HMCN2: variants seen among roughly 807,000 people sequenced by gnomAD.
HMCN2 encodes hemicentin-2.
Under a neutral mutation model 377.5 loss-of-function variants are expected in HMCN2, and 325 were observed. That is an observed-to-expected ratio of 0.86 (90% CI 0.79 to 0.94). The LOEUF is 0.94. Ranked by LOEUF, HMCN2 falls within the 40% of genes least tolerant of loss-of-function variation. HMCN2 has a pLI of 0.00. For synonymous variants in HMCN2, 2,007 were observed against 2,046.8 expected, an observed-to-expected ratio of 0.98 and a Z score of 0.53; for missense variants, 4,543 against 4,725.3, an observed-to-expected ratio of 0.96 and a Z score of 1.13.
rs1227140042 is a variant in HMCN2 at position 130,403,654 on chromosome 9, C to T, written c.12014-87C>T. 8 of 1,202,166 alleles carry T rather than the reference C, an allele frequency of 6.7e-6. No individual in the cohort carries two copies. The Admixed American group carries it at 2.2e-4, about 33-fold the overall frequency. 74.5% of individuals were successfully genotyped at this position (1,202,166 alleles called of 1,614,324 possible). A position where few individuals can be genotyped will look rare whatever the true frequency, so the allele number is the denominator to read the frequency against. ...TGTGACCCCAGCAAGTCATTTGCTGCCTGTGAGACAGAATAGCCCAATCTG... is the reference window on the plus strand; with the variant it reads ...TGTGACCCCAGCAAGTCATTTGCTGTCTGTGAGACAGAATAGCCCAATCTG... On this transcript the variant is annotated intron_variant, in intron 79 of 97. Transcript: ENST00000683500.
rs1316689613 is a variant in HMCN2 at position 130,422,830 on chromosome 9, A to T, written c.13381+104A>T. The T allele has an allele frequency of 2.0e-6, 2 of 986,384 alleles. No homozygotes were observed. Among genetic ancestry groups the T allele is most frequent in the Non-Finnish European group, 2.6e-6 (2 of 760,408 alleles). The allele number at this position is 986,384 out of a possible 1,614,324, so 61.1% of individuals were successfully genotyped here. On this transcript the variant is annotated intron_variant, in intron 87 of 97. Coordinates refer to ENST00000683500, the MANE Select transcript of HMCN2 (RefSeq NM_001291815.2). The surrounding 1 kb of genome is among the most constrained non-coding windows in gnomAD (Gnocchi z 4.2). ...TAGGAGGCGCAGAGCCTGTGCCCCG[A>T]GACTTGCTCAAGGCCTGATGACCAG...
In HMCN2 at chr9:130,394,605, T is replaced by TG. The variant is rs1328231319; in HGVS notation, c.10692+35dup. The TG allele has an allele frequency of 1.6e-6, 2 of 1,253,486 alleles. No individual in the cohort carries two copies. Among genetic ancestry groups the TG allele is most frequent in the South Asian group, 1.3e-5 (1 of 75,548 alleles). The allele number at this position is 1,253,486 out of a possible 1,614,324, so 77.6% of individuals were successfully genotyped here. On this transcript the variant is annotated intron_variant, in intron 69 of 97. Coordinates refer to ENST00000683500, the MANE Select transcript of HMCN2 (RefSeq NM_001291815.2). The surrounding 1 kb of genome is among the most constrained non-coding windows in gnomAD (Gnocchi z 5.1). ...CAGTGCCGCCGCCATGGGGCGAGGC[T>TG]GGGGGTTGGGGGAGAGGGGAGGGAC...
At chr9:130,406,276 C>A in intron 82 of HMCN2, 108 bp downstream of exon 82, 1 of 982,270 alleles carries the variant, frequency 1.0e-6, no homozygotes, top group Non-Finnish European at 1.4e-6. Flanking sequence ...AGGTTGTCAG[C>A]CAGCCCTGTT....
chr9:130,270,054 A>G (rs528694554), intron 1 of HMCN2, among the ~76,000 whole-genome samples: 2 of 145,460 alleles, frequency 1.4e-5, no homozygotes, highest in Non-Finnish European at 3.1e-5. Context: ...CAAGTGATCC[A>G]CTCACCTCAG....
chr9:130,333,836 C>T (rs1838565725), intron 22 of HMCN2, among the ~76,000 whole-genome samples: 1 of 152,198 alleles, frequency 6.6e-6, no homozygotes, highest in African/African-American at 2.4e-5. Flanking sequence ...CCTGAGTCTC[C>T]GCAGAGCATG....
At chr9:130,408,374 A>G (rs575577654) in intron 83 of HMCN2, among the ~76,000 whole-genome samples, 140 of 152,260 alleles carry the variant, frequency 9.2e-4, no homozygotes, top group Non-Finnish European at 1.6e-3. Flanking sequence ...TTGATTTCCA[A>G]AGTACCTGGC....
chr9:130,358,330 G>A (rs994204273), intron 35 of HMCN2, 60 bp from the exon 36 acceptor site: 11 of 1,301,126 alleles, frequency 8.5e-6, no homozygotes, highest in Middle Eastern at 2.1e-4. Context: ...CTGGCCACTC[G>A]CCATGTCCCG....
At chr9:130,416,064 G>C (rs1050591969) in intron 85 of HMCN2, among the ~76,000 whole-genome samples, 13 of 151,428 alleles carry the variant, frequency 8.6e-5, no homozygotes, top group Middle Eastern at 3.2e-3. Flanking sequence ...AGGGCCAAAG[G>C]CTTCCACTGT....
Position 130,422,810 on chromosome 9 carries a change from G to A in HMCN2, c.13381+84G>A. On this transcript the variant is annotated intron_variant, in intron 87 of 97. Transcript: ENST00000683500. This position sits in a 1 kb window ranked among gnomAD's most constrained non-coding sequence, Gnocchi z 4.2. Reference sequence around the variant, plus strand: ...CCTCCAGAACATGCTGGACCTAGGAGGCGCAGAGCCTGTGCCCCGAGACTT... The same window carrying A: ...CCTCCAGAACATGCTGGACCTAGGAAGCGCAGAGCCTGTGCCCCGAGACTT... 1 of 1,139,558 alleles carries A rather than the reference G, an allele frequency of 8.8e-7. No individual in the cohort carries two copies. Among genetic ancestry groups the A allele is most frequent in the Non-Finnish European group, 1.1e-6 (1 of 898,068 alleles). The allele number at this position is 1,139,558 out of a possible 1,614,324, so 70.6% of individuals were successfully genotyped here.
In HMCN2 at chr9:130,384,428, C is replaced by T; in HGVS notation, c.8886C>T (p.Ser2962=). The T allele has an allele frequency of 7.7e-7, 1 of 1,303,948 alleles. No individual in the cohort carries two copies. The highest frequency in any genetic ancestry group is 1.2e-5 in the South Asian group (1 of 81,008). 80.8% of individuals were successfully genotyped at this position (1,303,948 alleles called of 1,614,324 possible). ...DLEQVTAILN[S]SVSLPCDVHA... is the part of the protein sequence containing the mutation. ...AGCAGGTCACTGCCATCCTCAACAG[C>T]AGCGTCTCCCTCCCTTGCGACGTCC... The change falls in exon 58 of 98, where the codon AGC becomes AGT. Residue 2962 remains serine, a synonymous_variant. Transcript: ENST00000683500.
At chr9:130,433,186 C>G (rs948840019) in intron 97 of HMCN2, 162 bp from the exon 98 acceptor site, 45 of 539,748 alleles carry the variant, frequency 8.3e-5, no homozygotes, top group Non-Finnish European at 1.2e-4. Context: ...AACGGGCTAG[C>G]GTGGGAGCCT....
intron 4 of HMCN2, among the ~76,000 whole-genome samples, chr9:130,294,184 A>G (rs1203532442): frequency 6.6e-6 from 1 of 152,088 alleles, no homozygotes; most frequent in Non-Finnish European, 1.5e-5. Context: ...CCGAAGTCAT[A>G]CCCTAAATGT....
rs774453294 is a variant in HMCN2 at position 130,427,390 on chromosome 9, C to A, written c.13942+15C>A. On this transcript the variant is annotated intron_variant, in intron 91 of 97. Transcript: ENST00000683500. ...GTTTTGTGTGGGTGAGCGCCCCCAA[C>A]CCTGGCATGGATGTGGGAGGCCTCT... The A allele has an allele frequency of 2.6e-6, 4 of 1,550,402 alleles. No homozygotes were observed. The highest frequency in any genetic ancestry group is 3.9e-5 in the Admixed American group (2 of 50,922).
rs1841800675 is a variant in HMCN2, at chr9:130,382,767, C to T, written c.8634C>T (p.Ala2878=). The T allele has an allele frequency of 3.0e-6, 3 of 985,928 alleles. No individual in the cohort carries two copies. Among genetic ancestry groups the T allele is most frequent in the Non-Finnish European group, 3.6e-6 (3 of 829,970 alleles). The allele number at this position is 985,928 out of a possible 1,614,324, so 61.1% of individuals were successfully genotyped here. ...ASSTVSLQCP[A]LGNPVPTISW... ...GCACCGTCAGCCTGCAGTGCCCGGCCCTGGGAAACCCCGTGCCCACCATCT... is the reference window on the plus strand; with the variant it reads ...GCACCGTCAGCCTGCAGTGCCCGGCTCTGGGAAACCCCGTGCCCACCATCT... The change falls in exon 56 of 98, where the codon GCC becomes GCT. Residue 2878 remains alanine, a synonymous_variant. Transcript: ENST00000683500.
In HMCN2 at chr9:130,351,443, C is replaced by T; in HGVS notation, c.4451C>T (p.Pro1484Leu). 7.7e-7 allele frequency: 1 copy of T among 1,304,248 alleles called. No individual in the cohort carries two copies. Among genetic ancestry groups the T allele is most frequent in the Non-Finnish European group, 1.0e-6 (1 of 988,904 alleles). The allele number at this position is 1,304,248 out of a possible 1,614,324, so 80.8% of individuals were successfully genotyped here. A position where few individuals can be genotyped will look rare whatever the true frequency, so the allele number is the denominator to read the frequency against. The part of the protein sequence containing the change: ...KDRQPVLPGG[P>L]HLQVQEDGQV... ...TCCAGGCCTGTCCTTCCGGGAGGCCCTCACCTGCAGGTCCAGGAGGATGGC... is the reference window on the plus strand; with the variant it reads ...TCCAGGCCTGTCCTTCCGGGAGGCCTTCACCTGCAGGTCCAGGAGGATGGC... Residue 1484 changes from proline to leucine, a missense_variant, in exon 30 of 98, where the codon CCT becomes CTT. Coordinates refer to ENST00000683500, the MANE Select transcript of HMCN2 (RefSeq NM_001291815.2). The surrounding 1 kb of genome is among the most constrained non-coding windows in gnomAD (Gnocchi z 5.4).
intron 86 of HMCN2, among the ~76,000 whole-genome samples, chr9:130,421,713 A>G (rs752581444): frequency 1.3e-5 from 2 of 152,214 alleles, no homozygotes; most frequent in Non-Finnish European, 2.9e-5. Context: ...ACTGATGAGA[A>G]ACATCCCAGA....
At chr9:130,344,614 G>A (rs1191358742) in intron 25 of HMCN2, among the ~76,000 whole-genome samples, 1 of 151,390 alleles carries the variant, frequency 6.6e-6, no homozygotes, top group African/African-American at 2.4e-5. Context: ...ATGGTGTTGT[G>A]TGTAGTGTGT....
chr9:130,425,846 C>T lies in HMCN2; in HGVS notation c.13801C>T (p.Arg4601Trp), dbSNP rs1158027569. The change falls in exon 90 of 98, where the codon CGG (arginine) becomes TGG (tryptophan). Residue 4601 changes from arginine (R) to tryptophan (W), a missense_variant. By Grantham distance (101) the Arg-to-Trp change is moderately radical (BLOSUM62 -3). Coordinates refer to ENST00000683500, the MANE Select transcript of HMCN2 (RefSeq NM_001291815.2). ...GPQPQLVQHL[R>W]ASAISSAFDP... ...CCAGCCCCAGCTGGTGCAGCACCTG[C>T]GGGCCTCAGCTATCAGCTCGGCCTT... The T allele has an allele frequency of 2.6e-6, 4 of 1,550,434 alleles. No homozygotes were observed. Among genetic ancestry groups the T allele is most frequent in the East Asian group, 2.4e-5 (1 of 40,880 alleles).
At chr9:130,430,164 C>T in intron 94 of HMCN2, 120 bp from the exon 95 acceptor site, 1 of 828,716 alleles carries the variant, frequency 1.2e-6, no homozygotes, top group Non-Finnish European at 1.9e-6. Context: ...TCACATGCAG[C>T]ATGGGAGTGG....
Sources: gnomAD v4.1 joint callset for allele counts (sites outside exome capture counted in the v4.1 genomes callset) on GRCh38, gnomAD v4.1.1 for gene constraint, Gnocchi (gnomAD v3.1) non-coding constraint, MANE v1.5 for transcripts, NCBI Gene and HGNC (gene_info 2026-07-23, HGNC 2026-07-21) for gene names.